Variants in SLC12A9 observed in about 807,000 individuals in gnomAD.
SLC12A9 encodes solute carrier family 12 member 9.
Under a neutral mutation model 66.0 loss-of-function variants are expected in SLC12A9, and 55 were observed. That is an observed-to-expected ratio of 0.83 (90% confidence interval 0.67 to 1.04). The LOEUF (loss-of-function observed/expected upper bound fraction) is 1.04. Ranked by LOEUF, SLC12A9 falls within the 50% of genes least tolerant of loss-of-function variation. The pLI, the probability that SLC12A9 is intolerant of heterozygous loss-of-function variation, is 0.00. For missense variants in SLC12A9, 1,061 were observed against 1,241.9 expected, an observed-to-expected ratio of 0.85 and a Z score of 2.19; for synonymous variants, 577 against 569.0, an observed-to-expected ratio of 1.01 and a Z score of -0.20.
At chr7:100,860,995 G>A (rs753218953) in intron 9 of SLC12A9, 143 bp from the exon 10 acceptor site, 37 of 1,434,440 alleles carry the variant, frequency 2.6e-5, no homozygotes, top group East Asian at 4.6e-5. Context: ...CTTTGGGGGT[G>A]CACTGGCACT....
At chr7:100,852,402 AC>A (rs1417269499), upstream of SLC12A9, 1 of 151,872 alleles carries the variant, frequency 6.6e-6, no homozygotes, top group African/African-American at 2.4e-5. Flanking sequence ...AGCCCCGCCC[AC>A]CTCCCTGCCG....
At chr7:100,863,942 C>T (rs1253746494) in intron 13 of SLC12A9, among the ~76,000 whole-genome samples, 3 of 152,186 alleles carry the variant, frequency 2.0e-5, no homozygotes, top group Non-Finnish European at 4.4e-5. Flanking sequence ...TTTGGGGTGT[C>T]GTCAAGCATC....
intron 7 of SLC12A9, chr7:100,859,648 C>T (rs1814616100): frequency 1.9e-6 from 1 of 522,246 alleles, no homozygotes. Context: ...GAGGTCGAGG[C>T]TGCAGTGAGC....
chr7:100,860,333 C>T (rs377316234), intron 9 of SLC12A9, 101 bp downstream of exon 9: 11 of 1,226,288 alleles, frequency 9.0e-6, no homozygotes, highest in South Asian at 2.8e-5. Flanking sequence ...AAGACAAATG[C>T]GTATGCACTT....
In SLC12A9 at chr7:100,856,907, G is replaced by T. The variant is rs768976939; in HGVS notation, c.488G>T (p.Gly163Val). Residue 163 changes from glycine (G) to valine (V), a missense_variant, in exon 5 of 14, where the codon GGC (glycine) becomes GTC (valine). Gly to Val is a moderately radical substitution (Grantham distance 109). Coordinates refer to ENST00000354161, the MANE Select transcript of SLC12A9 (RefSeq NM_020246.4). ...GPSGLRVLPQGYGWNLLYGSL... is the reference protein window; with the variant it reads ...GPSGLRVLPQVYGWNLLYGSL... Reference sequence around the variant, plus strand: ...AGTGGGCTCCGGGTCCTGCCCCAGGGCTACGGCTGGAACCTGCTGTATGGC... The same window carrying T: ...AGTGGGCTCCGGGTCCTGCCCCAGGTCTACGGCTGGAACCTGCTGTATGGC... 2 of 1,609,532 alleles carry T rather than the reference G, an allele frequency of 1.2e-6. No individual in the cohort carries two copies. Among genetic ancestry groups the T allele is most frequent in the South Asian group, 1.1e-5 (1 of 91,044 alleles).
In SLC12A9 at chr7:100,861,491, C is replaced by T. The variant is rs781618820; in HGVS notation, c.1443C>T (p.Ser481=). 8.1e-6 allele frequency: 13 copies of T among 1,613,870 alleles called. No individual in the cohort carries two copies. The highest frequency in any genetic ancestry group is 1.0e-5 in the Non-Finnish European group (12 of 1,180,028). Residue 481 remains serine, a synonymous_variant, in exon 11 of 14, where the codon TCC becomes TCT. Coordinates refer to ENST00000354161, the MANE Select transcript of SLC12A9 (RefSeq NM_020246.4). This position sits in a 1 kb window ranked among gnomAD's most constrained non-coding sequence, Gnocchi z 5.3. ...TCAGTCCTGGCGCGGCTGGTGGCTC[C>T]CTGCTCCTCATGGGTCTGCTGGCTG... The part of the protein sequence containing the change: ...FLISPGAAGG[S]LLLMGLLAAL...
chr7:100,845,303 C>A (rs1240449184), intron 1 of SLC12A9, among the ~76,000 whole-genome samples: 1 of 150,320 alleles, frequency 6.7e-6, no homozygotes, highest in Non-Finnish European at 1.5e-5. Flanking sequence ...GCTAGGCTGC[C>A]TGACCAGCAG....
chr7:100,859,994 A>G lies in SLC12A9; in HGVS notation c.1087A>G (p.Ile363Val). The change falls in exon 8 of 14, where the codon ATT (isoleucine) becomes GTT (valine). Residue 363 changes from isoleucine to valine, a missense_variant. By Grantham distance (29) the Ile-to-Val change is conservative. Transcript: ENST00000354161. The stretch of plus-strand genomic sequence containing the variant: ...GCTCTCAGCGTCCATGAGCTCGCTC[A>G]TTGGTGCCTCCCGCATCCTCCATGC... Reference protein sequence around the residue: ...TALSASMSSLIGASRILHALA... With the variant: ...TALSASMSSLVGASRILHALA... 1 of 1,613,512 alleles carries G rather than the reference A, an allele frequency of 6.2e-7. No individual in the cohort carries two copies.
chr7:100,830,617 C>T (rs1035216153), intron 1 of SLC12A9, among the ~76,000 whole-genome samples: 2 of 151,502 alleles, frequency 1.3e-5, no homozygotes, highest in African/African-American at 4.9e-5. Context: ...GTATGCCAGT[C>T]AAAGAATGAA....
chr7:100,831,576 C>G (rs1215324566), intron 1 of SLC12A9, among the ~76,000 whole-genome samples: 3 of 152,178 alleles, frequency 2.0e-5, no homozygotes, highest in African/African-American at 7.2e-5. Flanking sequence ...CTCCTGGGCT[C>G]GAGCAATCTT....
At chr7:100,853,030 T>C (rs1246532348) in intron 1 of SLC12A9, among the ~76,000 whole-genome samples, 195 bp downstream of exon 1, 1 of 148,918 alleles carries the variant, frequency 6.7e-6, no homozygotes, top group Non-Finnish European at 1.5e-5. Context: ...TGTGTTTGGG[T>C]TGGTAGAGTT....
At chr7:100,833,925 T>C (rs1326320435) in intron 1 of SLC12A9, among the ~76,000 whole-genome samples, 1 of 107,774 alleles carries the variant, frequency 9.3e-6, no homozygotes, top group South Asian at 3.1e-4. Context: ...AGAGCGAGAC[T>C]CTGTCTCAAA....
Position 100,865,710 on chromosome 7 carries a change from T to G in SLC12A9, c.1859-9T>G, listed in dbSNP as rs1815037313. 1.3e-6 allele frequency: 2 copies of G among 1,598,520 alleles called. No homozygotes were observed. Among genetic ancestry groups the G allele is most frequent in the Non-Finnish European group, 1.7e-6 (2 of 1,171,258 alleles). On this transcript the variant is annotated splice_polypyrimidine_tract_variant and intron_variant, in intron 13 of 13. Coordinates refer to ENST00000354161, the MANE Select transcript of SLC12A9 (RefSeq NM_020246.4). ...CTGTCTGTTCCTGCCTTCCCCGCTCTGCCCCCAGGTGGCATGAAGCCCAAC... is the reference window on the plus strand; with the variant it reads ...CTGTCTGTTCCTGCCTTCCCCGCTCGGCCCCCAGGTGGCATGAAGCCCAAC...
chr7:100,840,669 T>A (rs314328), intron 1 of SLC12A9, among the ~76,000 whole-genome samples: 1 of 149,734 alleles, frequency 6.7e-6, no homozygotes, highest in Admixed American at 6.7e-5. Flanking sequence ...GAGAAAGAAA[T>A]GCAGAGAGAG....
At position 100,859,124 on chromosome 7, in the gene SLC12A9, G is replaced by A; in HGVS notation, c.940G>A (p.Val314Ile). The A allele has an allele frequency of 6.2e-7, 1 of 1,614,070 alleles. No individual in the cohort carries two copies. Among genetic ancestry groups the A allele is most frequent in the Non-Finnish European group, 8.5e-7 (1 of 1,180,018 alleles). ...CGTCGCCTACACCTTCTTCGTCTAT[G>A]TCCTGCTTTTCTTTCTCTCCAGCTT... ...VAVAYTFFVY[V>I]LLFFLSSFTC... The change falls in exon 7 of 14, where the codon GTC becomes ATC. Residue 314 changes from valine (V) to isoleucine (I), a missense_variant. Coordinates refer to ENST00000354161, the MANE Select transcript of SLC12A9 (RefSeq NM_020246.4).
Position 100,866,217 on chromosome 7 carries a change from G to C in SLC12A9, c.2357G>C (p.Arg786Pro), listed in dbSNP as rs202174092. The C allele has an allele frequency of 6.2e-7, 1 of 1,609,678 alleles. No homozygotes were observed. Among genetic ancestry groups the C allele is most frequent in the Non-Finnish European group, 8.5e-7 (1 of 1,178,656 alleles). Reference sequence around the variant, plus strand: ...CCTGGGGCGGCCGAGGGGCGGCTGCGGGCACTGCTGAGCCAACTGAGGATC... The same window carrying C: ...CCTGGGGCGGCCGAGGGGCGGCTGCCGGCACTGCTGAGCCAACTGAGGATC... Reference protein sequence around the residue: ...EAPGAAEGRLRALLSQLRIRA... With the variant: ...EAPGAAEGRLPALLSQLRIRA... Residue 786 changes from arginine to proline, a missense_variant, in exon 14 of 14, where the codon CGG becomes CCG. Coordinates refer to ENST00000354161, the MANE Select transcript of SLC12A9 (RefSeq NM_020246.4). The surrounding 1 kb of genome is among the most constrained non-coding windows in gnomAD (Gnocchi z 7.3).
intron 4 of SLC12A9, 102 bp from the exon 5 acceptor site, chr7:100,856,766 C>T: frequency 8.5e-7 from 1 of 1,180,848 alleles, no homozygotes; most frequent in Non-Finnish European, 1.2e-6. Flanking sequence ...CCCACCTCGG[C>T]CTCCCAAAGT....
intron 3 of SLC12A9, 51 bp from the exon 4 acceptor site, chr7:100,855,655 A>G: frequency 1.2e-6 from 2 of 1,611,806 alleles, no homozygotes; most frequent in Non-Finnish European, 1.7e-6. Context: ...CAACTTCCTC[A>G]CGTCCATTTC....
At chr7:100,846,498 C>T (rs1813918986) in intron 1 of SLC12A9, among the ~76,000 whole-genome samples, 1 of 151,040 alleles carries the variant, frequency 6.6e-6, no homozygotes, top group Non-Finnish European at 1.5e-5. Context: ...ACCCAGGAGG[C>T]GGAGCTGGCA....
Sources: gnomAD v4.1 joint callset for allele counts (sites outside exome capture counted in the v4.1 genomes callset) on GRCh38, gnomAD v4.1.1 for gene constraint, Gnocchi (gnomAD v3.1) non-coding constraint, MANE v1.5 for transcripts, NCBI Gene and HGNC (gene_info 2026-07-23, HGNC 2026-07-21) for gene names.